The following C14orf39 variants were observed in gnomAD, a reference collection of about 807,000 sequenced individuals.
C14orf39 encodes protein SIX6OS1.
C14orf39 carries 66 observed loss-of-function variants against 85.6 expected under a neutral mutation model. The ratio of observed to expected loss-of-function variants is 0.77; its 90% confidence interval spans 0.63 to 0.95. C14orf39 has a LOEUF of 0.95. C14orf39 is among the 40% of genes least tolerant of loss of function. C14orf39 has a pLI of 0.00. For synonymous variants in C14orf39, 242 were observed against 214.0 expected (o/e 1.13, Z -1.14); for missense variants, 735 against 663.9 (o/e 1.11, Z -1.18).
chr14:60,470,249 A>G (rs1241370528), intron 7 of C14orf39, among the ~76,000 whole-genome samples: 2 of 151,818 alleles, frequency 1.3e-5, no homozygotes, highest in East Asian at 3.9e-4. Context: ...CTCAGCTATT[A>G]ATACATTCCA....
At chr14:60,446,470 A>C (rs1049990070) in intron 16 of C14orf39, among the ~76,000 whole-genome samples, 3 of 152,234 alleles carry the variant, frequency 2.0e-5, no homozygotes, top group Non-Finnish European at 4.4e-5. Flanking sequence ...AAATTCCTGG[A>C]CATATACACC....
At chr14:60,437,902 C>T (rs1187744787) in intron 17 of C14orf39, among the ~76,000 whole-genome samples, 1 of 151,534 alleles carries the variant, frequency 6.6e-6, no homozygotes, top group Non-Finnish European at 1.5e-5. Flanking sequence ...CCAGAATTGC[C>T]ATTAAGGAAA....
chr14:60,500,860 A>G (rs1893135029), intron 1 of C14orf39, among the ~76,000 whole-genome samples: 1 of 152,134 alleles, frequency 6.6e-6, no homozygotes, highest in African/African-American at 2.4e-5. Context: ...TGCTTTTATA[A>G]GAAGGAAAAC....
At position 60,505,141 on chromosome 14, in the gene C14orf39, T is replaced by G. The variant is rs74562550; in HGVS notation, c.-143-5711A>C. Among the ~76,000 whole-genome samples, 525 of 152,366 alleles carry G rather than the reference T, an allele frequency of 3.4e-3. 3 individuals are homozygous for G. The highest frequency in any genetic ancestry group is 0.012 in the African/African-American group (491 of 41,588). ...AGGAAATCTACAAACATTGCTCAAA[T>G]GGTGTTTGTTCTCAGAAATATACAA... is the stretch of plus-strand genomic sequence containing the variant. On this transcript the variant is annotated intron_variant, in intron 1 of 5. Coordinates refer to the C14orf39 transcript ENST00000556799.
At chr14:60,481,181 T>C (rs1370344542) in intron 4 of C14orf39, among the ~76,000 whole-genome samples, 1 of 152,218 alleles carries the variant, frequency 6.6e-6, no homozygotes, top group Non-Finnish European at 1.5e-5. Context: ...AATGTACACA[T>C]AGATCAAAAT....
At chr14:60,511,055 G>T (rs558333993) in intron 1 of C14orf39, 1 of 1,608,936 alleles carries the variant, frequency 6.2e-7, no homozygotes, top group Non-Finnish European at 8.5e-7. Context: ...GTTACGAGCT[G>T]TGACCCGTGT....
intron 7 of C14orf39, among the ~76,000 whole-genome samples, chr14:60,470,049 A>G (rs1892003196): frequency 6.6e-6 from 1 of 151,526 alleles, no homozygotes. Flanking sequence ...ATTTGTTCAA[A>G]GACAATATTT....
intron 13 of C14orf39, among the ~76,000 whole-genome samples, chr14:60,460,533 A>C (rs895568053): frequency 2.0e-5 from 3 of 151,828 alleles, no homozygotes; most frequent in African/African-American, 7.2e-5. Context: ...GTTATCAGAC[A>C]AAAAGAGATG....
intron 1 of C14orf39, among the ~76,000 whole-genome samples, chr14:60,507,545 T>C (rs916660539): frequency 2.0e-5 from 3 of 152,262 alleles, no homozygotes; most frequent in African/African-American, 7.2e-5. Flanking sequence ...CTCACAGAAA[T>C]GATGTAAATG....
intron 1 of C14orf39, chr14:60,509,427 G>A (rs773503265): frequency 1.4e-5 from 22 of 1,599,458 alleles, no homozygotes; most frequent in Non-Finnish European, 1.8e-5. Flanking sequence ...TTGAATTTCA[G>A]CCCCCAGCAA....
At chr14:60,499,967 T>C (rs1893117336) in intron 1 of C14orf39, among the ~76,000 whole-genome samples, 1 of 152,160 alleles carries the variant, frequency 6.6e-6, no homozygotes, top group African/African-American at 2.4e-5. Flanking sequence ...ATCTATCAAG[T>C]TGGGAAAGAT....
intron 9 of C14orf39, among the ~76,000 whole-genome samples, chr14:60,468,056 A>G (rs2140111153): frequency 6.6e-6 from 1 of 151,800 alleles, no homozygotes; most frequent in Admixed American, 6.6e-5. Flanking sequence ...CTCTATAGCA[A>G]AGGAAGAACT....
At chr14:60,480,754 T>C (rs1892602326) in intron 4 of C14orf39, among the ~76,000 whole-genome samples, 2 of 120,060 alleles carry the variant, frequency 1.7e-5, no homozygotes, top group African/African-American at 5.6e-5. Flanking sequence ...AGATACACTA[T>C]GAAATACTAT....
chr14:60,437,276 T>C (rs1784317631), intron 17 of C14orf39, among the ~76,000 whole-genome samples: 1 of 151,980 alleles, frequency 6.6e-6, no homozygotes, highest in African/African-American at 2.4e-5. Context: ...ATTTGAACTC[T>C]AGTATATAAA....
Position 60,442,088 on chromosome 14 carries a change from G to C in C14orf39, c.1547C>G (p.Ser516Ter), listed in dbSNP as rs1415310540. 6.2e-7 allele frequency: 1 copy of C among 1,609,638 alleles called. No individual in the cohort carries two copies. Among genetic ancestry groups the C allele is most frequent in the African/African-American group, 1.3e-5 (1 of 74,794 alleles). ...YSARNLNPLSSEQEIGNLLEK... is the reference protein window; with the variant it reads ...YSARNLNPLS Reference sequence around the variant, plus strand: ...AAACAACTTACCAATCTCTTGCTCTGATGACAGAGGATTTAGATTTCTTGC... The same window carrying C: ...AAACAACTTACCAATCTCTTGCTCTCATGACAGAGGATTTAGATTTCTTGC... Residue 516 changes from serine (S) to a stop codon, truncating the protein, a stop_gained, in exon 17 of 18, where the codon TCA becomes TGA. Coordinates refer to ENST00000321731, the MANE Select transcript of C14orf39 (RefSeq NM_174978.3). LOFTEE classifies it high-confidence loss of function.
Position 60,469,533 on chromosome 14 carries a change from C to T in C14orf39, c.675G>A (p.Gln225=). 7.6e-7 allele frequency: 1 copy of T among 1,310,880 alleles called. No homozygotes were observed. Among genetic ancestry groups the T allele is most frequent in the Non-Finnish European group, 1.0e-6 (1 of 960,532 alleles). The allele number at this position is 1,310,880 out of a possible 1,614,324, so 81.2% of individuals were successfully genotyped here. Residue 225 remains glutamine, a splice_region_variant and synonymous_variant, in exon 8 of 18, where the codon CAG becomes CAA. Coordinates refer to ENST00000321731, the MANE Select transcript of C14orf39 (RefSeq NM_174978.3). ...EMEIEINYLN[Q]QISRHNETKA... The stretch of plus-strand genomic sequence containing the variant: ...TAGAAATATATAACAAAATATATAC[C>T]TGGTTTAAATAATTAATTTCTATTT...
rs532555055 is a variant in C14orf39 at position 60,502,147 on chromosome 14, T to C, written c.-143-2717A>G. Among the ~76,000 whole-genome samples the C allele has an allele frequency of 4.6e-5, 7 of 152,304 alleles. No homozygotes were observed. In the East Asian group the frequency reaches 9.6e-4, roughly 21 times the overall value. ...TACCATTATAGTGACACTATTTCCC[T>C]TTTCTATGAAAACCACTCCCCATCC... On this transcript the variant is annotated intron_variant, in intron 1 of 5. Transcript: ENST00000556799.
At chr14:60,449,865 C>A (rs745358538) in intron 16 of C14orf39, among the ~76,000 whole-genome samples, 4 of 152,072 alleles carry the variant, frequency 2.6e-5, no homozygotes, top group African/African-American at 9.7e-5. Flanking sequence ...TTTGCTCTGG[C>A]TTTTGCAACA....
chr14:60,464,020 C>G (rs1246498477), intron 11 of C14orf39, among the ~76,000 whole-genome samples: 1 of 152,136 alleles, frequency 6.6e-6, no homozygotes, highest in African/African-American at 2.4e-5. Flanking sequence ...TTCTCAACCT[C>G]TCCTGCAGAT....
Sources: allele counts gnomAD v4.1 joint callset (sites outside exome capture counted in the v4.1 genomes callset), GRCh38; gene constraint gnomAD v4.1.1; transcripts MANE v1.5; gene names NCBI Gene and HGNC (gene_info 2026-07-23, HGNC 2026-07-21).